Variants in ZNF273 observed in about 807,000 individuals in gnomAD.
ZNF273 encodes the protein zinc finger protein 273.
ZNF273 carries 11 observed loss-of-function variants against 14.9 expected under a neutral mutation model. The observed-to-expected ratio is 0.74, with a 90% CI of 0.46 to 1.22. The LOEUF is 1.22. Among genes scored for constraint, ZNF273 ranks in the 50% most tolerant of loss-of-function variants. The pLI, the probability that ZNF273 is intolerant of heterozygous loss-of-function variation, is 0.00. For synonymous variants in ZNF273, 199 were observed against 223.9 expected (o/e 0.89, Z 0.99); for missense variants, 577 against 660.6 (o/e 0.87, Z 1.39).
At chr7:64,904,134 C>G (rs1231638282) in intron 1 of ZNF273, among the ~76,000 whole-genome samples, 1 of 152,204 alleles carries the variant, frequency 6.6e-6, no homozygotes, top group East Asian at 1.9e-4. Context: ...GTCGCTCAGG[C>G]TGGAGTGCAA....
chr7:64,935,942 AATGACCAG>A (rs1436005837), downstream of ZNF273, among the ~76,000 whole-genome samples: 7 of 152,210 alleles, frequency 4.6e-5, no homozygotes, highest in African/African-American at 1.7e-4. Flanking sequence ...TGCTTTTTGA[AATGACCAG>A]ATTACTAAAA....
chr7:64,880,792 G>A (rs1791225958), downstream of ZNF273, among the ~76,000 whole-genome samples: 2 of 152,108 alleles, frequency 1.3e-5, no homozygotes, highest in Admixed American at 6.5e-5. Context: ...AGAAACCCCC[G>A]AGTGCCTCCT....
chr7:64,924,947 C>T (rs1794705315), intron 3 of ZNF273, among the ~76,000 whole-genome samples: 2 of 152,068 alleles, frequency 1.3e-5, no homozygotes, highest in South Asian at 2.1e-4. Context: ...GGATTACAGG[C>T]ACCCGCCACC....
intron 1 of ZNF273, among the ~76,000 whole-genome samples, chr7:64,905,763 G>A (rs934733652): frequency 6.6e-5 from 10 of 152,122 alleles, no homozygotes; most frequent in Admixed American, 2.0e-4. Context: ...AGGGATCGTG[G>A]CCTGACTTGA....
intron 1 of ZNF273, among the ~76,000 whole-genome samples, chr7:64,916,139 TG>T (rs1793964011): frequency 6.6e-6 from 1 of 151,900 alleles, no homozygotes; most frequent in African/African-American, 2.4e-5. Context: ...GAGGTTGTAG[TG>T]ATCAGAGATT....
chr7:64,926,813 G>T (rs1052304024), intron 3 of ZNF273, among the ~76,000 whole-genome samples: 1 of 152,000 alleles, frequency 6.6e-6, no homozygotes, highest in Non-Finnish European at 1.5e-5. Flanking sequence ...AAATTTTTTG[G>T]GTTTTTTAGT....
At chr7:64,878,382 G>C (rs1219665932) in exon 2 of ZNF273, 1 of 152,326 alleles carries the variant, frequency 6.6e-6, no homozygotes, top group Non-Finnish European at 1.5e-5. Flanking sequence ...TGTCCGCAGG[G>C]CCTATTGAAT....
At chr7:64,899,766 T>TG (rs1448410156), upstream of ZNF273, among the ~76,000 whole-genome samples, 400 of 151,172 alleles carry the variant, frequency 2.6e-3, no homozygotes, top group Non-Finnish European at 4.9e-3. Flanking sequence ...TCAAGGTTTT[T>TG]TTTTTTTTTT....
chr7:64,926,960 G>A (rs1195168362), intron 3 of ZNF273, among the ~76,000 whole-genome samples: 2 of 152,166 alleles, frequency 1.3e-5, no homozygotes, highest in Non-Finnish European at 2.9e-5. Context: ...TTATTCCATA[G>A]TATATCACCA....
chr7:64,906,380 A>T (rs1362263474), intron 1 of ZNF273, among the ~76,000 whole-genome samples: 1 of 152,240 alleles, frequency 6.6e-6, no homozygotes, highest in East Asian at 1.9e-4. Context: ...TACGTTTATC[A>T]TCTAAAAGGA....
At chr7:64,881,690 A>G (rs976257874), downstream of ZNF273, among the ~76,000 whole-genome samples, 3 of 151,880 alleles carry the variant, frequency 2.0e-5, no homozygotes, top group African/African-American at 7.3e-5. Context: ...GGCACAAGGG[A>G]CTTGGAGTAG....
At chr7:64,918,053 A>T (rs1228023547) in intron 2 of ZNF273, 144 bp from the exon 3 acceptor site, 1 of 705,414 alleles carries the variant, frequency 1.4e-6, no homozygotes, top group African/African-American at 1.9e-5. Flanking sequence ...TATTTTTTAA[A>T]TATTTAGAAA....
upstream of ZNF273, among the ~76,000 whole-genome samples, chr7:64,899,109 A>C (rs1347494183): frequency 6.6e-6 from 1 of 152,244 alleles, no homozygotes; most frequent in Non-Finnish European, 1.5e-5. Context: ...GAAGCCACCT[A>C]AAGAATTCTC....
intron 3 of ZNF273, among the ~76,000 whole-genome samples, chr7:64,922,478 AT>A (rs1451609430): frequency 3.3e-5 from 5 of 151,542 alleles, no homozygotes; most frequent in African/African-American, 1.2e-4. Context: ...ACAGCGACTA[AT>A]TTTTGCATTT....
At chr7:64,900,912 C>G (rs1305448164), upstream of ZNF273, among the ~76,000 whole-genome samples, 1 of 152,182 alleles carries the variant, frequency 6.6e-6, no homozygotes, top group Non-Finnish European at 1.5e-5. Flanking sequence ...AACTTCTGCT[C>G]TGAACCTAAC....
intron 3 of ZNF273, among the ~76,000 whole-genome samples, chr7:64,922,706 T>A (rs1268924510): frequency 6.6e-6 from 1 of 151,868 alleles, no homozygotes; most frequent in Non-Finnish European, 1.5e-5. Context: ...ATGTCACACC[T>A]GTAATCCCAG....
downstream of ZNF273, among the ~76,000 whole-genome samples, chr7:64,890,560 G>A (rs778114697): frequency 5.3e-5 from 8 of 152,162 alleles, no homozygotes; most frequent in Non-Finnish European, 1.2e-4. Flanking sequence ...GGGGATCTGA[G>A]CTCAGAGAGT....
At chr7:64,883,220 C>G (rs1046659876), downstream of ZNF273, among the ~76,000 whole-genome samples, 8 of 145,832 alleles carry the variant, frequency 5.5e-5, 1 homozygote, top group South Asian at 1.9e-3. Flanking sequence ...CACCACCCCC[C>G]CCTCACCAAG....
intron 1 of ZNF273, among the ~76,000 whole-genome samples, chr7:64,887,751 A>C (rs866475393): frequency 7.4e-5 from 11 of 147,964 alleles, no homozygotes; most frequent in Non-Finnish European, 1.3e-4. Context: ...GCCCGCCTCG[A>C]CCTCCCAGAG....
Sources: gnomAD v4.1 joint callset for allele counts (sites outside exome capture counted in the v4.1 genomes callset) on GRCh38, gnomAD v4.1.1 for gene constraint, MANE v1.5 for transcripts, NCBI Gene and HGNC (gene_info 2026-07-23, HGNC 2026-07-21) for gene names.